BSND: variants seen among roughly 807,000 people sequenced by gnomAD.
BSND encodes the protein barttin.
A neutral mutation model predicts 18.8 loss-of-function variants in BSND; 13 were observed. The observed-to-expected ratio is 0.69, with a 90% CI of 0.45 to 1.10. BSND has a LOEUF of 1.10. Among genes scored for constraint, BSND ranks in the 50% least tolerant of loss-of-function variants. The probability of loss-of-function intolerance (pLI) is 0.00; values close to 1 mark genes in which losing one functional copy is unlikely to be tolerated. For synonymous variants in BSND, 170 were observed against 161.8 expected, an observed-to-expected ratio of 1.05 and a Z score of -0.39; for missense variants, 379 against 416.7, an observed-to-expected ratio of 0.91 and a Z score of 0.79.
rs761300365 is a variant in BSND at position 55,007,185 on chromosome 1, T to C, written c.461T>C (p.Val154Ala). ...SDGGEGGPGD[V>A]QAWMEAAVVI... The stretch of plus-strand genomic sequence containing the variant: ...GGAGGAGAAGGTGGCCCTGGCGACG[T>C]TCAGGCCTGGATGGAGGCTGCCGTG... The change falls in exon 3 of 4, where the codon GTT becomes GCT. Residue 154 changes from valine (V) to alanine (A), a missense_variant. Coordinates refer to ENST00000651561, the MANE Select transcript of BSND (RefSeq NM_057176.3). 3 of 1,614,042 alleles carry C rather than the reference T, an allele frequency of 1.9e-6. No homozygotes were observed. Among genetic ancestry groups the C allele is most frequent in the Non-Finnish European group, 2.5e-6 (3 of 1,179,990 alleles).
At chr1:55,005,649 T>C (rs1206025007) in intron 2 of BSND, among the ~76,000 whole-genome samples, 3 of 152,242 alleles carry the variant, frequency 2.0e-5, no homozygotes, top group Non-Finnish European at 2.9e-5. Flanking sequence ...GAACAGAACC[T>C]GACACACAGT....
At chr1:55,008,065 A>T in intron 3 of BSND, 149 bp from the exon 4 acceptor site, 1 of 678,106 alleles carries the variant, frequency 1.5e-6, no homozygotes, top group South Asian at 1.8e-5. Context: ...CTAAGAAAGA[A>T]CTGCAGGAGT....
Position 55,016,933 on chromosome 1 carries a change from C to T in BSND, c.*8305C>T, listed in dbSNP as rs1644454367. Among the ~76,000 whole-genome samples the T allele has an allele frequency of 6.6e-6, 1 of 152,226 alleles. No individual in the cohort carries two copies. The highest frequency in any genetic ancestry group is 1.5e-5 in the Non-Finnish European group (1 of 68,046). The stretch of plus-strand genomic sequence containing the variant: ...CACGGCCATTCAAAACAGTGACCCT[C>T]CTGATTGAATCAAATCCCCTATCAC... On this transcript the variant is annotated 3_prime_UTR_variant, in exon 4 of 4. Transcript: ENST00000651561.
At position 55,015,711 on chromosome 1, in the gene BSND, G is replaced by T. The variant is rs1644446799; in HGVS notation, c.*7083G>T. Among the ~76,000 whole-genome samples the T allele has an allele frequency of 6.6e-6, 1 of 152,224 alleles. No individual in the cohort carries two copies. The highest frequency in any genetic ancestry group is 6.5e-5 in the Admixed American group (1 of 15,280). The stretch of plus-strand genomic sequence containing the variant: ...CCACCCCCTGTGCTAGGTACTGGGG[G>T]AAGAGACATGCATCTGACCCATGCT... On this transcript the variant is annotated 3_prime_UTR_variant, in exon 4 of 4. Transcript: ENST00000651561.
At chr1:54,999,412 G>A (rs780391724) in intron 1 of BSND, 49 bp downstream of exon 1, 38 of 1,566,282 alleles carry the variant, frequency 2.4e-5, no homozygotes, top group South Asian at 4.7e-5. Flanking sequence ...GGGCCAGGAG[G>A]GCTGGACACT....
chr1:55,000,871 C>G (rs1644358059), intron 1 of BSND, among the ~76,000 whole-genome samples: 1 of 152,112 alleles, frequency 6.6e-6, no homozygotes, highest in Admixed American at 6.5e-5. Context: ...AGAGGGATGG[C>G]AGAGGTGTGG....
rs1644447125 is a variant in BSND, at chr1:55,015,780, A to T, written c.*7152A>T. 6.6e-6 allele frequency among the ~76,000 whole-genome samples: 1 copy of T among 152,216 alleles called. No individual in the cohort carries two copies. Among genetic ancestry groups the T allele is most frequent in the Non-Finnish European group, 1.5e-5 (1 of 68,036 alleles). The stretch of plus-strand genomic sequence containing the variant: ...ACTACCCCGGGCTAACTGCAGAGTG[A>T]ACAGTGACAGGTCAGTGCTGAGCAG... On this transcript the variant is annotated 3_prime_UTR_variant, in exon 4 of 4. Coordinates refer to ENST00000651561, the MANE Select transcript of BSND (RefSeq NM_057176.3).
In BSND at chr1:55,014,375, C is replaced by G. The variant is rs772166116; in HGVS notation, c.*5747C>G. Among the ~76,000 whole-genome samples the G allele has an allele frequency of 1.3e-4, 20 of 152,198 alleles. No individual in the cohort carries two copies. Among genetic ancestry groups the G allele is most frequent in the Non-Finnish European group, 2.5e-4 (17 of 68,032 alleles). ...ACTTAGCCTCTCTGGCCCTCAATTTCCTTATTAATAAATTGAGGTTAGTGA... is the reference window on the plus strand; with the variant it reads ...ACTTAGCCTCTCTGGCCCTCAATTTGCTTATTAATAAATTGAGGTTAGTGA... On this transcript the variant is annotated 3_prime_UTR_variant, in exon 4 of 4. Transcript: ENST00000651561.
intron 1 of BSND, among the ~76,000 whole-genome samples, chr1:55,003,915 A>T (rs1160519283): frequency 6.6e-6 from 1 of 152,246 alleles, no homozygotes; most frequent in Non-Finnish European, 1.5e-5. Context: ...CAGTACAGCT[A>T]AGTACATTCA....
At chr1:55,004,057 G>A (rs887787264) in intron 1 of BSND, among the ~76,000 whole-genome samples, 3 of 152,106 alleles carry the variant, frequency 2.0e-5, no homozygotes, top group Non-Finnish European at 4.4e-5. Context: ...CTGGCTCTAT[G>A]GATTTGACTA....
In BSND at chr1:55,002,792, GTGATGA is replaced by G. The variant is rs369551776; in HGVS notation, c.178-2215_178-2210del. ...GATAGTGAGGGTGAGAATGGTGATG[GTGATGA>G]TGATGATGATGATGTTAGTGATGGT... is the stretch of plus-strand genomic sequence containing the variant. On this transcript the variant is annotated intron_variant, in intron 1 of 3. Coordinates refer to ENST00000651561, the MANE Select transcript of BSND (RefSeq NM_057176.3). Among the ~76,000 whole-genome samples the G allele has an allele frequency of 5.1e-3, 772 of 151,226 alleles. 4 individuals carry two copies. Among genetic ancestry groups the G allele is most frequent in the Middle Eastern group, 0.02 (6 of 294 alleles).
rs1159676835 is a variant in BSND at position 55,013,506 on chromosome 1, A to G, written c.*4878A>G. Among the ~76,000 whole-genome samples the G allele has an allele frequency of 6.6e-6, 1 of 152,220 alleles. No homozygotes were observed. Among genetic ancestry groups the G allele is most frequent in the East Asian group, 1.9e-4 (1 of 5,200 alleles). ...AGGAACTGAGGCTCAGAGAAGCTGA[A>G]TAATTTGCCCATCCTTGCGGAGAAG... On this transcript the variant is annotated 3_prime_UTR_variant, in exon 4 of 4. Coordinates refer to ENST00000651561, the MANE Select transcript of BSND (RefSeq NM_057176.3).
chr1:55,015,762 C>CG lies in BSND; in HGVS notation c.*7137dup, dbSNP rs1644447076. The stretch of plus-strand genomic sequence containing the variant: ...TGTCTTGGGGGAACCTCTACTACCC[C>CG]GGGCTAACTGCAGAGTGAACAGTGA... On this transcript the variant is annotated 3_prime_UTR_variant, in exon 4 of 4. Transcript: ENST00000651561. Among the ~76,000 whole-genome samples the CG allele has an allele frequency of 6.6e-6, 1 of 152,190 alleles. No homozygotes were observed. Among genetic ancestry groups the CG allele is most frequent in the Non-Finnish European group, 1.5e-5 (1 of 68,040 alleles).
intron 3 of BSND, among the ~76,000 whole-genome samples, 191 bp from the exon 4 acceptor site, chr1:55,008,023 A>G (rs1644400387): frequency 6.6e-6 from 1 of 152,252 alleles, no homozygotes; most frequent in Non-Finnish European, 1.5e-5. Context: ...GGCACTGTGC[A>G]AAGTGCCTTG....
At position 55,013,996 on chromosome 1, in the gene BSND, A is replaced by G. The variant is rs2100215180; in HGVS notation, c.*5368A>G. ...GCTCTCCCCTTCCACGGTGGAATCC[A>G]TCTCCACTGCACCCTCTCCTCCGAA... On this transcript the variant is annotated 3_prime_UTR_variant, in exon 4 of 4. Transcript: ENST00000651561. 6.6e-6 allele frequency among the ~76,000 whole-genome samples: 1 copy of G among 152,160 alleles called. No individual in the cohort carries two copies. Among genetic ancestry groups the G allele is most frequent in the East Asian group, 1.9e-4 (1 of 5,166 alleles).
intron 1 of BSND, among the ~76,000 whole-genome samples, chr1:55,004,325 C>T (rs535037323): frequency 1.3e-5 from 2 of 152,216 alleles, no homozygotes; most frequent in African/African-American, 4.8e-5. Flanking sequence ...AGGGTAGCCC[C>T]GTTATACAGA....
At chr1:55,001,575 A>G (rs1262143899) in intron 1 of BSND, among the ~76,000 whole-genome samples, 2 of 152,076 alleles carry the variant, frequency 1.3e-5, no homozygotes, top group Admixed American at 1.3e-4. Flanking sequence ...TGCCAGACCT[A>G]TGGAAAGTTT....
At position 54,999,126 on chromosome 1, in the gene BSND, G is replaced by C; in HGVS notation, c.-61G>C. ...CTGTGTAAGCCTGTCTCGGTGTTTA[G>C]GCTGAACTACAGCCACCCCCTCTCC... On this transcript the variant is annotated 5_prime_UTR_variant, in exon 1 of 4. Transcript: ENST00000651561. 1 of 1,602,438 alleles carries C rather than the reference G, an allele frequency of 6.2e-7. No homozygotes were observed. Among genetic ancestry groups the C allele is most frequent in the Non-Finnish European group, 8.5e-7 (1 of 1,174,306 alleles).
Position 55,007,042 on chromosome 1 carries a change from C to T in BSND, c.318C>T (p.Ala106=), listed in dbSNP as rs1434278383. 2.5e-6 allele frequency: 4 copies of T among 1,614,212 alleles called. No homozygotes were observed. In the South Asian group the frequency reaches 3.3e-5, roughly 13 times the overall value. Residue 106 remains alanine (A), a synonymous_variant, in exon 3 of 4, where the codon GCC becomes GCT. Transcript: ENST00000651561. ...PPYVRLWEEA[A]YDQSLPDFSH... is the part of the protein sequence containing the mutation. ...ATGTAAGGCTGTGGGAGGAAGCCGCCTATGACCAGAGCCTGCCTGACTTCA... is the reference window on the plus strand; with the variant it reads ...ATGTAAGGCTGTGGGAGGAAGCCGCTTATGACCAGAGCCTGCCTGACTTCA...
Sources: gnomAD v4.1 joint callset for allele counts (sites outside exome capture counted in the v4.1 genomes callset) on GRCh38, gnomAD v4.1.1 for gene constraint, MANE v1.5 for transcripts, NCBI Gene and HGNC (gene_info 2026-07-23, HGNC 2026-07-21) for gene names.